The following TBC1D5 variants were observed in gnomAD, a reference collection of about 807,000 sequenced individuals.
TBC1D5 encodes TBC1 domain family, member 5.
A neutral mutation model predicts 100.3 loss-of-function variants in TBC1D5; 75 were observed. The ratio of observed to expected loss-of-function variants is 0.75; its 90% CI spans 0.62 to 0.91. TBC1D5 has a LOEUF of 0.91. Among genes scored for constraint, TBC1D5 ranks in the 40% least tolerant of loss-of-function variants. TBC1D5 has a pLI of 0.00. For synonymous variants in TBC1D5, 323 were observed against 325.6 expected, an observed-to-expected ratio of 0.99 and a Z score of 0.09; for missense variants, 910 against 942.4, an observed-to-expected ratio of 0.97 and a Z score of 0.45.
chr3:17,268,949 G>C (rs1225442000), intron 15 of TBC1D5, among the ~76,000 whole-genome samples: 2 of 152,054 alleles, frequency 1.3e-5, no homozygotes, highest in Admixed American at 1.3e-4. Context: ...CGGGGTAGTA[G>C]TCAAAACATA....
At chr3:17,508,686 T>G in intron 2 of TBC1D5, 81 bp from the exon 3 acceptor site, 1 of 684,166 alleles carries the variant, frequency 1.5e-6, no homozygotes, top group Non-Finnish European at 2.6e-6. Flanking sequence ...CTGAAATGAT[T>G]ACATGAGCAT....
intron 13 of TBC1D5, among the ~76,000 whole-genome samples, chr3:17,347,257 A>C (rs1052234014): frequency 2.6e-5 from 4 of 152,152 alleles, no homozygotes; most frequent in African/African-American, 9.7e-5. Context: ...TGTCTAACTC[A>C]TAGTGATGCT....
At chr3:17,612,888 CTT>C (rs1236647091) in intron 2 of TBC1D5, among the ~76,000 whole-genome samples, 12 of 131,832 alleles carry the variant, frequency 9.1e-5, no homozygotes, top group Non-Finnish European at 1.2e-4. Flanking sequence ...GCCCCCTTTT[CTT>C]TTTTTTTTTT....
At position 17,412,302 on chromosome 3, in the gene TBC1D5, G is replaced by A. The variant is rs763274341; in HGVS notation, c.168-5776C>T. ...TGGTAGTACAGAGGGGAAAGAAATGGTTTGATACTTCAAAATTAAAACTTA... is the reference window on the plus strand; with the variant it reads ...TGGTAGTACAGAGGGGAAAGAAATGATTTGATACTTCAAAATTAAAACTTA... On this transcript the variant is annotated intron_variant, in intron 4 of 21. Coordinates refer to ENST00000253692, the Ensembl canonical transcript of TBC1D5. Among the ~76,000 whole-genome samples, 2 of 152,028 alleles carry A rather than the reference G, an allele frequency of 1.3e-5. 1 individual carries two copies.
chr3:17,662,395 C>G (rs781493713), intron 1 of TBC1D5, among the ~76,000 whole-genome samples: 16 of 152,186 alleles, frequency 1.1e-4, no homozygotes, highest in Non-Finnish European at 2.1e-4. Context: ...ACCTGGAAAG[C>G]CTTTGAATAT....
intron 13 of TBC1D5, among the ~76,000 whole-genome samples, chr3:17,346,955 A>G (rs1053200869): frequency 6.6e-6 from 1 of 152,214 alleles, no homozygotes; most frequent in Non-Finnish European, 1.5e-5. Flanking sequence ...ACTTGAATAT[A>G]TGGACTTTCT....
intron 15 of TBC1D5, among the ~76,000 whole-genome samples, chr3:17,263,964 C>T (rs1467809203): frequency 1.3e-5 from 2 of 152,054 alleles, no homozygotes; most frequent in Admixed American, 1.3e-4. Flanking sequence ...GTAGACTGCT[C>T]TTTAATGTAA....
At chr3:17,257,094 C>T (rs2077776880) in intron 16 of TBC1D5, among the ~76,000 whole-genome samples, 1 of 151,914 alleles carries the variant, frequency 6.6e-6, no homozygotes, top group Admixed American at 6.6e-5. Context: ...CAATAGGAAG[C>T]CTTTGGAGAT....
intron 13 of TBC1D5, among the ~76,000 whole-genome samples, chr3:17,332,840 G>C (rs982443516): frequency 6.6e-6 from 1 of 152,138 alleles, no homozygotes; most frequent in Admixed American, 6.5e-5. Flanking sequence ...CAAGGTGCTG[G>C]GGGATGACAG....
chr3:17,627,671 T>TGA (rs565027792), intron 1 of TBC1D5, among the ~76,000 whole-genome samples: 53 of 148,396 alleles, frequency 3.6e-4, no homozygotes, highest in East Asian at 1.6e-3. Context: ...TTTTTTTTTT[T>TGA]GAGAGAGAGA....
At chr3:17,645,048 G>GAA (rs2064887697) in intron 1 of TBC1D5, among the ~76,000 whole-genome samples, 1 of 152,096 alleles carries the variant, frequency 6.6e-6, no homozygotes, top group Non-Finnish European at 1.5e-5. Flanking sequence ...GTCATTTTCT[G>GAA]ACAGTTGCTT....
chr3:17,342,618 G>A (rs546907640), intron 13 of TBC1D5, among the ~76,000 whole-genome samples: 1 of 152,170 alleles, frequency 6.6e-6, no homozygotes, highest in Non-Finnish European at 1.5e-5. Context: ...TATTCCAAAA[G>A]CAATCTGTAT....
At chr3:17,459,849 T>G (rs1248654893) in intron 3 of TBC1D5, among the ~76,000 whole-genome samples, 2 of 152,102 alleles carry the variant, frequency 1.3e-5, no homozygotes, top group Admixed American at 6.6e-5. Context: ...TAGAAAAACA[T>G]AGGGTTTTCC....
At chr3:17,239,854 T>C (rs1467576797) in intron 16 of TBC1D5, among the ~76,000 whole-genome samples, 3 of 152,212 alleles carry the variant, frequency 2.0e-5, no homozygotes, top group Non-Finnish European at 4.4e-5. Flanking sequence ...ATTTTAGTTG[T>C]AAAGGGGAGT....
intron 3 of TBC1D5, among the ~76,000 whole-genome samples, chr3:17,506,165 T>C (rs1021283823): frequency 4.6e-5 from 7 of 152,292 alleles, no homozygotes; most frequent in Middle Eastern, 3.4e-3. Flanking sequence ...GTAAGACATA[T>C]ATTAAAATAA....
chr3:17,584,088 AACGTC>A (rs1362324309), intron 2 of TBC1D5, among the ~76,000 whole-genome samples: 1 of 152,232 alleles, frequency 6.6e-6, no homozygotes, highest in Non-Finnish European at 1.5e-5. Flanking sequence ...CCACCCACAA[AACGTC>A]ACATATTTTA....
intron 1 of TBC1D5, among the ~76,000 whole-genome samples, chr3:17,659,166 T>C (rs890092820): frequency 2.6e-5 from 4 of 152,186 alleles, no homozygotes; most frequent in Admixed American, 2.0e-4. Flanking sequence ...TTTGAGATTA[T>C]ATACTACACA....
intron 3 of TBC1D5, among the ~76,000 whole-genome samples, chr3:17,492,282 T>G (rs1333501485): frequency 6.6e-6 from 1 of 152,176 alleles, no homozygotes; most frequent in African/African-American, 2.4e-5. Flanking sequence ...CTCTATCTCC[T>G]TCAGTCCCAC....
At chr3:17,239,963 T>C (rs973008320) in intron 16 of TBC1D5, among the ~76,000 whole-genome samples, 3 of 152,174 alleles carry the variant, frequency 2.0e-5, no homozygotes, top group African/African-American at 7.2e-5. Flanking sequence ...AAATGGAAAA[T>C]TGAAAATCAA....
Sources: allele counts gnomAD v4.1 joint callset (sites outside exome capture counted in the v4.1 genomes callset), GRCh38; gene constraint gnomAD v4.1.1; transcripts MANE v1.5; gene names NCBI Gene and HGNC (gene_info 2026-07-23, HGNC 2026-07-21).